Variants in NKAIN2 observed in about 807,000 individuals in gnomAD.
The protein encoded by NKAIN2 is sodium/potassium-transporting ATPase subunit beta-1-interacting protein 2.
Under a neutral mutation model 32.6 loss-of-function variants are expected in NKAIN2, and 14 were observed. The ratio of observed to expected loss-of-function variants is 0.43; its 90% CI spans 0.28 to 0.67. The LOEUF is 0.67. NKAIN2 is among the 30% of genes least tolerant of loss of function. NKAIN2 has a pLI of 0.17. For synonymous variants in NKAIN2, 80 were observed against 87.2 expected (o/e 0.92, Z 0.46); for missense variants, 198 against 258.3 (o/e 0.77, Z 1.60).
intron 3 of NKAIN2, among the ~76,000 whole-genome samples, chr6:124,607,980 GGT>G (rs934750193): frequency 6.6e-6 from 1 of 152,018 alleles, no homozygotes; most frequent in African/African-American, 2.4e-5. Context: ...TATGATGTTA[GGT>G]ATGTTAGGTA....
chr6:124,408,644 T>G (rs62436303), intron 3 of NKAIN2, among the ~76,000 whole-genome samples: 11,738 of 152,242 alleles, frequency 0.077, 580 homozygotes, highest in African/African-American at 0.12. Context: ...GCCTCCAGCT[T>G]TGTTCTTTTG....
intron 3 of NKAIN2, among the ~76,000 whole-genome samples, chr6:124,617,876 A>G (rs916587918): frequency 1.3e-5 from 2 of 152,212 alleles, no homozygotes; most frequent in Non-Finnish European, 2.9e-5. Flanking sequence ...TAATTCAAAT[A>G]ACCAGTTGAA....
intron 3 of NKAIN2, among the ~76,000 whole-genome samples, chr6:124,460,904 C>T (rs1226558210): frequency 6.6e-6 from 1 of 150,984 alleles, no homozygotes; most frequent in African/African-American, 2.4e-5. Context: ...ACACTTATTT[C>T]CCCCCCTTTT....
chr6:124,792,597 A>G (rs886430806), intron 5 of NKAIN2, among the ~76,000 whole-genome samples: 3 of 152,160 alleles, frequency 2.0e-5, no homozygotes, highest in Non-Finnish European at 4.4e-5. Context: ...ATGAGCAAAT[A>G]AGTATGAAAC....
intron 3 of NKAIN2, among the ~76,000 whole-genome samples, chr6:124,373,221 T>A (rs911544882): frequency 3.3e-5 from 5 of 152,118 alleles, no homozygotes; most frequent in Admixed American, 3.3e-4. Context: ...TTTGCTAATG[T>A]CATGGATGCA....
At chr6:124,599,741 T>C (rs1348432290) in intron 3 of NKAIN2, among the ~76,000 whole-genome samples, 3 of 152,152 alleles carry the variant, frequency 2.0e-5, no homozygotes, top group Non-Finnish European at 4.4e-5. Context: ...TAACTTTCTT[T>C]TGCAGCCCAA....
intron 4 of NKAIN2, among the ~76,000 whole-genome samples, chr6:124,765,655 C>T (rs1013281213): frequency 6.6e-6 from 1 of 152,200 alleles, no homozygotes; most frequent in Admixed American, 6.5e-5. Flanking sequence ...CATGCACAAG[C>T]ATTAATGCCT....
At chr6:124,596,456 T>C (rs953077183) in intron 3 of NKAIN2, among the ~76,000 whole-genome samples, 2 of 152,168 alleles carry the variant, frequency 1.3e-5, no homozygotes, top group Admixed American at 6.5e-5. Context: ...TTAGGAAGGT[T>C]GCATGAATTA....
chr6:124,276,616 A>G (rs547462650), intron 1 of NKAIN2, among the ~76,000 whole-genome samples: 3 of 152,294 alleles, frequency 2.0e-5, no homozygotes, highest in African/African-American at 7.2e-5. Context: ...ACTACGAACA[A>G]CACAGAGAAT....
chr6:123,978,073 A>C (rs1469297503), intron 1 of NKAIN2, among the ~76,000 whole-genome samples: 1 of 152,228 alleles, frequency 6.6e-6, no homozygotes, highest in African/African-American at 2.4e-5. Flanking sequence ...ACCTTTAAGA[A>C]ACACTCCTTT....
intron 3 of NKAIN2, among the ~76,000 whole-genome samples, chr6:124,385,051 C>A (rs1772831739): frequency 6.6e-6 from 1 of 152,094 alleles, no homozygotes; most frequent in East Asian, 1.9e-4. Context: ...AATAATATCC[C>A]TGAAATTGCA....
rs558409256 is a variant in NKAIN2, at chr6:123,856,139, T to C, written c.54+51885T>C. Reference sequence around the variant, plus strand: ...TGTCAAATTTGTATGGCCTGTTTATTTTAGACCTTGCAATAAAACCCCTTC... The same window carrying C: ...TGTCAAATTTGTATGGCCTGTTTATCTTAGACCTTGCAATAAAACCCCTTC... On this transcript the variant is annotated intron_variant, in intron 1 of 6. Coordinates refer to ENST00000368417, the MANE Select transcript of NKAIN2 (RefSeq NM_001040214.3). Among the ~76,000 whole-genome samples, 83 of 152,328 alleles carry C rather than the reference T, an allele frequency of 5.4e-4. 1 individual carries two copies. The highest frequency in any genetic ancestry group is 6.8e-3 in the Middle Eastern group (2 of 294).
intron 1 of NKAIN2, among the ~76,000 whole-genome samples, chr6:123,826,434 G>T (rs1344217176): frequency 6.6e-6 from 1 of 151,902 alleles, no homozygotes; most frequent in African/African-American, 2.4e-5. Flanking sequence ...TTCATATTGT[G>T]GTGCAACCAT....
intron 1 of NKAIN2, among the ~76,000 whole-genome samples, chr6:123,825,806 C>T (rs4144573): frequency 0.12 from 18,280 of 152,074 alleles, 1,888 homozygotes; most frequent in East Asian, 0.56. Context: ...TAAAAACCCT[C>T]ATGCAGCATT....
At chr6:124,428,316 C>T (rs188083370) in intron 3 of NKAIN2, among the ~76,000 whole-genome samples, 1 of 152,182 alleles carries the variant, frequency 6.6e-6, no homozygotes, top group East Asian at 1.9e-4. Flanking sequence ...TTCACCCCAA[C>T]CCCAGATTGC....
intron 3 of NKAIN2, among the ~76,000 whole-genome samples, chr6:124,463,864 A>C (rs1462417900): frequency 6.6e-6 from 1 of 152,030 alleles, no homozygotes; most frequent in East Asian, 1.9e-4. Flanking sequence ...TTGGATTTTG[A>C]TTGGTTTCAA....
chr6:124,260,291 A>G (rs1794179207), intron 1 of NKAIN2, among the ~76,000 whole-genome samples: 1 of 152,186 alleles, frequency 6.6e-6, no homozygotes, highest in Non-Finnish European at 1.5e-5. Flanking sequence ...AGTAAGATAA[A>G]AAAGTAGCAT....
At chr6:124,768,551 C>T (rs150864414) in intron 4 of NKAIN2, among the ~76,000 whole-genome samples, 1 of 152,266 alleles carries the variant, frequency 6.6e-6, no homozygotes, top group East Asian at 1.9e-4. Context: ...CCTAATCCTA[C>T]AGTGTTTCCT....
chr6:124,492,855 C>T (rs918207610), intron 3 of NKAIN2, among the ~76,000 whole-genome samples: 1 of 151,842 alleles, frequency 6.6e-6, no homozygotes, highest in African/African-American at 2.4e-5. Flanking sequence ...AAAATTTTGC[C>T]ACTAGTGAAC....
Sources: allele counts gnomAD v4.1 joint callset (sites outside exome capture counted in the v4.1 genomes callset), GRCh38; gene constraint gnomAD v4.1.1; transcripts MANE v1.5; gene names NCBI Gene and HGNC (gene_info 2026-07-23, HGNC 2026-07-21).